HDX: variants seen among roughly 807,000 people sequenced by gnomAD.
The protein encoded by HDX is highly divergent homeobox, also known as chromosome X open reading frame 43.
Under a neutral mutation model 45.2 loss-of-function variants are expected in HDX, and 19 were observed. That is an observed-to-expected ratio of 0.42 (90% CI 0.29 to 0.62). The LOEUF is 0.62. Ranked by LOEUF, HDX falls within the 20% of genes least tolerant of loss-of-function variation. The pLI is 0.20. For synonymous variants in HDX, 188 were observed against 172.8 expected, an observed-to-expected ratio of 1.09 and a Z score of -0.69; for missense variants, 532 against 493.9, an observed-to-expected ratio of 1.08 and a Z score of -0.73.
At position 84,468,663 on chromosome X, in the gene HDX, T is replaced by G. The variant is rs746008801; in HGVS notation, c.1060A>C (p.Met354Leu). The change falls in exon 4 of 11, where the codon ATG becomes CTG. Residue 354 changes from methionine to leucine, a missense_variant. By Grantham distance (15) the Met-to-Leu change is conservative (BLOSUM62 2). Coordinates refer to ENST00000373177, the MANE Select transcript of HDX (RefSeq NM_001177479.2). ...GPGRNMPNSQ[M>L]VNIRDMSDNV... Reference sequence around the variant, plus strand: ...TCTGACATATCTCTAATATTCACCATTTGTGAATTTGGCATATTTCTTCCT... The same window carrying G: ...TCTGACATATCTCTAATATTCACCAGTTGTGAATTTGGCATATTTCTTCCT... 1.1e-5 allele frequency: 13 copies of G among 1,205,803 alleles called. No individual in the cohort carries two copies. Among genetic ancestry groups the G allele is most frequent in the Non-Finnish European group, 1.5e-5 (13 of 891,583 alleles).
At chrX:84,328,753 T>C (rs1203952381) in intron 9 of HDX, among the ~76,000 whole-genome samples, 1 of 111,877 alleles carries the variant, frequency 8.9e-6, no homozygotes, top group Non-Finnish European at 1.9e-5. Flanking sequence ...AGAAGTCTCA[T>C]ACATGTTGAC....
Position 84,409,651 on chromosome X carries a change from C to T in HDX, c.1305+30881G>A, listed in dbSNP as rs1216198268. 3.2e-5 allele frequency among the ~76,000 whole-genome samples: 3 copies of T among 94,859 alleles called. No homozygotes were observed. In the Admixed American group the frequency reaches 3.8e-4, roughly 12 times the overall value. The allele number at this position is 94,859 out of a possible 115,157, so 82.4% of individuals were successfully genotyped here. A position where few individuals can be genotyped will look rare whatever the true frequency, so the allele number is the denominator to read the frequency against. Reference sequence around the variant, plus strand: ...AAAAACCAAACACCGCATGTTCTCACTCATAGGTGGGAATTGAACAATGAG... The same window carrying T: ...AAAAACCAAACACCGCATGTTCTCATTCATAGGTGGGAATTGAACAATGAG... On this transcript the variant is annotated intron_variant, in intron 5 of 10. Transcript: ENST00000373177.
intron 3 of HDX, among the ~76,000 whole-genome samples, chrX:84,471,899 A>T (rs896029681): frequency 3.6e-5 from 4 of 111,589 alleles, no homozygotes; most frequent in Non-Finnish European, 7.5e-5. Flanking sequence ...AAATGTTAAA[A>T]GTTGAATTTT....
intron 5 of HDX, among the ~76,000 whole-genome samples, chrX:84,372,117 A>G (rs1171354941): frequency 8.9e-6 from 1 of 111,987 alleles, no homozygotes; most frequent in African/African-American, 3.2e-5. Flanking sequence ...GCAGCTGTTG[A>G]GACAGAAAGA....
intron 1 of HDX, among the ~76,000 whole-genome samples, chrX:84,501,070 C>T (rs2041109448): frequency 9.0e-6 from 1 of 111,250 alleles, no homozygotes; most frequent in Admixed American, 9.5e-5. Flanking sequence ...AATCCCTTAA[C>T]TATGAGAAAT....
intron 5 of HDX, among the ~76,000 whole-genome samples, chrX:84,383,717 G>A (rs757950865): frequency 9.0e-6 from 1 of 111,267 alleles, no homozygotes; most frequent in African/African-American, 3.3e-5. Flanking sequence ...CCCCACTCTA[G>A]TTGCTCAAAG....
chrX:84,361,127 G>T (rs2037612563), intron 6 of HDX, among the ~76,000 whole-genome samples: 2 of 111,813 alleles, frequency 1.8e-5, no homozygotes, highest in South Asian at 7.4e-4. Context: ...ATGGCAACTT[G>T]TGGTTTTTAT....
chrX:84,467,207 C>T (rs749287671), intron 4 of HDX, among the ~76,000 whole-genome samples: 1 of 111,377 alleles, frequency 9.0e-6, no homozygotes, highest in South Asian at 3.8e-4. Flanking sequence ...TGTATTATTG[C>T]TTTTCATTTT....
chrX:84,339,678 G>A (rs1254103570), intron 7 of HDX, among the ~76,000 whole-genome samples: 1 of 111,241 alleles, frequency 9.0e-6, no homozygotes, highest in East Asian at 2.8e-4. Flanking sequence ...GGATAATAAA[G>A]TGGAATAATT....
rs752323771 is a variant in HDX at position 84,336,916 on chromosome X, C to T, written c.1661-36G>A. On this transcript the variant is annotated intron_variant, in intron 7 of 10. Coordinates refer to ENST00000373177, the MANE Select transcript of HDX (RefSeq NM_001177479.2). ...AAATGCCATAATTTCATTTTCATTT[C>T]GCAAAACTTTCTTGAGAATACTATT... The T allele has an allele frequency of 3.9e-5, 36 of 926,902 alleles. 1 individual carries two copies. The South Asian group carries it at 4.0e-4, about 10-fold the overall frequency. 76.4% of individuals were successfully genotyped at this position (926,902 alleles called of 1,213,427 possible).
At chrX:84,336,040 C>T (rs1372242125) in intron 8 of HDX, among the ~76,000 whole-genome samples, 2 of 110,213 alleles carry the variant, frequency 1.8e-5, no homozygotes, top group African/African-American at 6.6e-5. Context: ...TTTTTAGTGG[C>T]TGCAATCAAA....
intron 7 of HDX, among the ~76,000 whole-genome samples, chrX:84,342,647 T>C (rs968369080): frequency 1.8e-5 from 2 of 110,570 alleles, no homozygotes; most frequent in Non-Finnish European, 3.8e-5. Context: ...GTTAACCATT[T>C]GGAAAAATAA....
At chrX:84,400,547 TAA>T (rs1478374004) in intron 5 of HDX, among the ~76,000 whole-genome samples, 1 of 109,800 alleles carries the variant, frequency 9.1e-6, no homozygotes. Context: ...CTCAAAGAAA[TAA>T]GAGAGGACAC....
At chrX:84,489,855 T>G (rs2040860349) in intron 1 of HDX, among the ~76,000 whole-genome samples, 1 of 112,215 alleles carries the variant, frequency 8.9e-6, no homozygotes, top group Non-Finnish European at 1.9e-5. Flanking sequence ...AAAACTTTTG[T>G]GTAGATTTCA....
chrX:84,441,028 T>A (rs762360920), intron 4 of HDX, among the ~76,000 whole-genome samples: 2 of 111,442 alleles, frequency 1.8e-5, no homozygotes, highest in East Asian at 5.6e-4. Flanking sequence ...ACTCTATATA[T>A]ACTACATTTA....
chrX:84,402,095 T>C (rs771323468), intron 5 of HDX, among the ~76,000 whole-genome samples: 16 of 111,453 alleles, frequency 1.4e-4, no homozygotes, highest in Non-Finnish European at 3.0e-4. Flanking sequence ...CTAATGCATG[T>C]GGGGCTTAAA....
At chrX:84,378,064 T>C (rs1445327525) in intron 5 of HDX, among the ~76,000 whole-genome samples, 1 of 111,763 alleles carries the variant, frequency 8.9e-6, no homozygotes, top group Admixed American at 9.5e-5. Flanking sequence ...AGCAGACTTT[T>C]CAGTGGAAAC....
chrX:84,375,252 C>T (rs770386506), intron 5 of HDX, among the ~76,000 whole-genome samples: 2 of 110,740 alleles, frequency 1.8e-5, no homozygotes, highest in Admixed American at 9.6e-5. Flanking sequence ...ACAACAGGTG[C>T]TGTAGAGGAT....
intron 5 of HDX, among the ~76,000 whole-genome samples, chrX:84,436,716 T>A (rs2039645130): frequency 8.9e-6 from 1 of 112,070 alleles, no homozygotes; most frequent in Admixed American, 9.5e-5. Flanking sequence ...CTTTTAAAAA[T>A]GTGTTGAGAC....
Sources: allele counts gnomAD v4.1 joint callset (sites outside exome capture counted in the v4.1 genomes callset), GRCh38; gene constraint gnomAD v4.1.1; transcripts MANE v1.5; gene names NCBI Gene and HGNC (gene_info 2026-07-23, HGNC 2026-07-21).